The following RAB11FIP4 variants were observed in gnomAD, a reference collection of about 807,000 sequenced individuals.
RAB11FIP4 encodes the protein RAB11 family interacting protein 4.
Under a neutral mutation model 74.3 loss-of-function variants are expected in RAB11FIP4, and 23 were observed. The observed-to-expected ratio is 0.31, with a 90% CI of 0.22 to 0.44. The LOEUF (loss-of-function observed/expected upper bound fraction) is 0.44. RAB11FIP4 is among the 20% of genes least tolerant of loss of function. RAB11FIP4 has a pLI of 1.00. For synonymous variants in RAB11FIP4, 360 were observed against 359.9 expected, an observed-to-expected ratio of 1.00 and a Z score of 0.00; for missense variants, 630 against 863.9, an observed-to-expected ratio of 0.73 and a Z score of 3.39.
intron 1 of RAB11FIP4, among the ~76,000 whole-genome samples, chr17:31,396,518 C>CTGGTGCTCTCCTTGTCATTAT (rs1279907830): frequency 6.6e-6 from 1 of 152,174 alleles, no homozygotes; most frequent in Non-Finnish European, 1.5e-5. Context: ...ATCAGAATTG[C>CTGGTGCTCTCCTTGTCATTAT]TGGTGCTCTC....
chr17:31,495,846 GC>G (rs1222577264), intron 3 of RAB11FIP4, among the ~76,000 whole-genome samples: 2 of 152,200 alleles, frequency 1.3e-5, no homozygotes, highest in Non-Finnish European at 2.9e-5. Context: ...GTTGTTGACT[GC>G]CCTTCACTGC....
chr17:31,482,044 C>T (rs2071855268), intron 3 of RAB11FIP4, among the ~76,000 whole-genome samples: 1 of 152,172 alleles, frequency 6.6e-6, no homozygotes, highest in Non-Finnish European at 1.5e-5. Context: ...CCTGGGCTGG[C>T]ACAGAGTTGC....
chr17:31,505,043 C>G (rs1296954732), intron 3 of RAB11FIP4, among the ~76,000 whole-genome samples: 5 of 152,102 alleles, frequency 3.3e-5, no homozygotes, highest in Admixed American at 3.3e-4. Flanking sequence ...GAGTTAAATA[C>G]TTAGTTAAGC....
In RAB11FIP4 at chr17:31,535,934, G is replaced by A. The variant is rs1043402069; in HGVS notation, c.*4202G>A. ...TTCTGGTCTGTTTCCTGACTGGGTT[G>A]ATAAAGGGAGTCCCAGCTCGTTCCC... On this transcript the variant is annotated 3_prime_UTR_variant, in exon 15 of 15. Transcript: ENST00000621161. 5 of 149,736 alleles carry A rather than the reference G, an allele frequency of 3.3e-5. No individual in the cohort carries two copies. Among genetic ancestry groups the A allele is most frequent in the African/African-American group, 9.8e-5 (4 of 40,676 alleles). The allele number at this position is 149,736 out of a possible 1,614,324, so 9.3% of individuals were successfully genotyped here.
intron 3 of RAB11FIP4, among the ~76,000 whole-genome samples, chr17:31,494,176 A>G (rs1193374735): frequency 1.3e-5 from 2 of 152,084 alleles, no homozygotes; most frequent in African/African-American, 4.8e-5. Flanking sequence ...TAGTACCAAA[A>G]TGCCTTCAGA....
Position 31,484,496 on chromosome 17 carries a change from A to G in RAB11FIP4, c.337-33155A>G, listed in dbSNP as rs866445967. ...TGCTATGCTCAGAAGGCAGGATTAT[A>G]TTTCCTATTAACTCACTCTTAGCCC... is the stretch of plus-strand genomic sequence containing the variant. On this transcript the variant is annotated intron_variant, in intron 3 of 14. Coordinates refer to ENST00000621161, the MANE Select transcript of RAB11FIP4 (RefSeq NM_032932.6). Among the ~76,000 whole-genome samples, 3 of 152,012 alleles carry G rather than the reference A, an allele frequency of 2.0e-5. No individual in the cohort carries two copies. The South Asian group carries it at 6.2e-4, about 32-fold the overall frequency.
At chr17:31,476,693 G>A (rs1048407248) in intron 3 of RAB11FIP4, among the ~76,000 whole-genome samples, 1 of 152,206 alleles carries the variant, frequency 6.6e-6, no homozygotes, top group Non-Finnish European at 1.5e-5. Flanking sequence ...CACCCCATGA[G>A]CAGCCTGCCT....
chr17:31,461,984 G>T (rs778853335), intron 3 of RAB11FIP4, among the ~76,000 whole-genome samples: 5 of 152,120 alleles, frequency 3.3e-5, no homozygotes, highest in Non-Finnish European at 7.4e-5. Context: ...TAATGTGGCT[G>T]GGTGCGGTGG....
intron 3 of RAB11FIP4, among the ~76,000 whole-genome samples, chr17:31,499,800 A>G (rs1158318672): frequency 6.6e-6 from 1 of 152,114 alleles, no homozygotes; most frequent in Non-Finnish European, 1.5e-5. Context: ...TCCACTAGCT[A>G]TTTGTAGACA....
intron 1 of RAB11FIP4, among the ~76,000 whole-genome samples, chr17:31,410,305 C>A (rs994090336): frequency 3.3e-5 from 5 of 152,120 alleles, no homozygotes; most frequent in Non-Finnish European, 5.9e-5. Flanking sequence ...TTGCTGCTGC[C>A]ACCACGTGGT....
rs147929862 is a variant in RAB11FIP4, at chr17:31,518,925, C to T, written c.563+1048C>T. Among the ~76,000 whole-genome samples the T allele has an allele frequency of 9.7e-3, 1,475 of 151,866 alleles. 17 individuals are homozygous for T. The highest frequency in any genetic ancestry group is 0.034 in the African/African-American group (1,392 of 41,420). ...TCACCTCACTGCAGCCTCCGCCTCC[C>T]GGGTTCAAGCGATTCTCCTGCCTCA... On this transcript the variant is annotated intron_variant, in intron 4 of 14. Coordinates refer to ENST00000621161, the MANE Select transcript of RAB11FIP4 (RefSeq NM_032932.6).
chr17:31,454,264 G>C (rs1488238801), intron 3 of RAB11FIP4, among the ~76,000 whole-genome samples: 1 of 151,882 alleles, frequency 6.6e-6, no homozygotes, highest in Admixed American at 6.6e-5. Flanking sequence ...ATAGAAGACA[G>C]AGCATAAAGT....
chr17:31,436,362 G>A (rs1454357821), intron 3 of RAB11FIP4, among the ~76,000 whole-genome samples: 1 of 151,974 alleles, frequency 6.6e-6, no homozygotes, highest in Non-Finnish European at 1.5e-5. Flanking sequence ...CTCGGATACT[G>A]GTGTTGCAAA....
chr17:31,446,584 A>G (rs375104085), intron 3 of RAB11FIP4, among the ~76,000 whole-genome samples: 8 of 152,106 alleles, frequency 5.3e-5, no homozygotes, highest in Admixed American at 5.2e-4. Flanking sequence ...GGCTGAGATT[A>G]GGACATTGGA....
In RAB11FIP4 at chr17:31,531,786, C is replaced by A; in HGVS notation, c.*54C>A. 8.2e-7 allele frequency: 1 copy of A among 1,221,888 alleles called. No homozygotes were observed. Among genetic ancestry groups the A allele is most frequent in the Non-Finnish European group, 1.2e-6 (1 of 828,528 alleles). The allele number at this position is 1,221,888 out of a possible 1,614,324, so 75.7% of individuals were successfully genotyped here. ...AGGACCCTGGGACCAAGGGCAGACC[C>A]TGCCCAAGGATGCAGGCCTAAGCCG... On this transcript the variant is annotated 3_prime_UTR_variant, in exon 15 of 15. Transcript: ENST00000621161.
intron 3 of RAB11FIP4, among the ~76,000 whole-genome samples, chr17:31,486,164 G>T (rs774233459): frequency 1.3e-5 from 2 of 152,088 alleles, no homozygotes; most frequent in Non-Finnish European, 2.9e-5. Flanking sequence ...AACCCAGGAG[G>T]CGGAGGTTGC....
In RAB11FIP4 at chr17:31,521,230, A is replaced by G. The variant is rs1368234610; in HGVS notation, c.628A>G (p.Ile210Val). ...TTCTACACACTCCACCACCTCGCTCATCAGCAATGAGGAGCAGTTTGAAGA... is the reference window on the plus strand; with the variant it reads ...TTCTACACACTCCACCACCTCGCTCGTCAGCAATGAGGAGCAGTTTGAAGA... ...DLSTHSTTSL[I>V]SNEEQFEDYG... is the part of the protein sequence containing the mutation. Residue 210 changes from isoleucine (I) to valine (V), a missense_variant, in exon 5 of 15, where the codon ATC becomes GTC. By Grantham distance (29) the Ile-to-Val change is conservative (BLOSUM62 3). Transcript: ENST00000621161. 1 of 1,613,902 alleles carries G rather than the reference A, an allele frequency of 6.2e-7. No individual in the cohort carries two copies. Among genetic ancestry groups the G allele is most frequent in the Non-Finnish European group, 8.5e-7 (1 of 1,179,842 alleles).
chr17:31,463,937 T>C lies in RAB11FIP4; in HGVS notation c.336+29815T>C, dbSNP rs140923158. ...AAGCTATTCTCATGCCTCTGCCTAA[T>C]GAGTAGCTGGGACTACAGGTGCATG... On this transcript the variant is annotated intron_variant, in intron 3 of 14. Transcript: ENST00000621161. Among the ~76,000 whole-genome samples, 921 of 147,038 alleles carry C rather than the reference T, an allele frequency of 6.3e-3. 6 individuals are homozygous for C. The highest frequency in any genetic ancestry group is 0.022 in the African/African-American group (879 of 40,154).
intron 8 of RAB11FIP4, 85 bp downstream of exon 8, chr17:31,523,696 C>A: frequency 7.4e-7 from 1 of 1,344,784 alleles, no homozygotes; most frequent in South Asian, 1.2e-5. Flanking sequence ...TGTCTGGGGA[C>A]TTGGGAGACC....
Sources: gnomAD v4.1 joint callset for allele counts (sites outside exome capture counted in the v4.1 genomes callset) on GRCh38, gnomAD v4.1.1 for gene constraint, MANE v1.5 for transcripts, NCBI Gene and HGNC (gene_info 2026-07-23, HGNC 2026-07-21) for gene names.